The following GALNT17 variants were observed in gnomAD, a reference collection of about 807,000 sequenced individuals.
GALNT17 encodes UDP-GalNAc:polypeptide N-acetylgalactosaminyltransferase-like 3.
GALNT17 carries 29 observed loss-of-function variants against 63.7 expected under a neutral mutation model. The ratio of observed to expected loss-of-function variants is 0.46; its 90% CI spans 0.34 to 0.62. The LOEUF (loss-of-function observed/expected upper bound fraction) is 0.62, where lower values mean the gene tolerates loss of function less well. Among genes scored for constraint, GALNT17 ranks in the 20% least tolerant of loss-of-function variants. GALNT17 has a pLI of 0.01. For missense variants in GALNT17, 603 were observed against 799.6 expected (o/e 0.75, Z 2.97); for synonymous variants, 305 against 318.3 (o/e 0.96, Z 0.45).
intron 1 of GALNT17, among the ~76,000 whole-genome samples, chr7:71,249,207 C>G (rs1790153762): frequency 6.6e-6 from 1 of 152,168 alleles, no homozygotes; most frequent in Non-Finnish European, 1.5e-5. Context: ...TTCAGATTTC[C>G]TTTCTTACGT....
intron 2 of GALNT17, among the ~76,000 whole-genome samples, chr7:71,386,690 G>A (rs772101487): frequency 6.6e-6 from 1 of 152,078 alleles, no homozygotes; most frequent in Non-Finnish European, 1.5e-5. Flanking sequence ...CACTGCGCTC[G>A]GGCATATGAG....
At chr7:71,624,517 GA>G (rs1035130273) in intron 6 of GALNT17, among the ~76,000 whole-genome samples, 1 of 151,704 alleles carries the variant, frequency 6.6e-6, no homozygotes, top group Non-Finnish European at 1.5e-5. Flanking sequence ...AGAGAATGGA[GA>G]AAAATGATGG....
At chr7:71,141,406 C>T (rs766352252) in intron 1 of GALNT17, among the ~76,000 whole-genome samples, 15 of 151,666 alleles carry the variant, frequency 9.9e-5, no homozygotes, top group Non-Finnish European at 1.8e-4. Context: ...AAAAGACAGA[C>T]TGGGTTTGAT....
At position 71,413,668 on chromosome 7, in the gene GALNT17, C is replaced by T. The variant is rs567992453; in HGVS notation, c.590-2221C>T. ...CTTCCTATAATTTTTAAACGTATCT[C>T]ATCTCCTTAACTCGATTGTAAGCAT... On this transcript the variant is annotated intron_variant, in intron 3 of 10. Coordinates refer to ENST00000333538, the MANE Select transcript of GALNT17 (RefSeq NM_022479.3). Among the ~76,000 whole-genome samples, 3 of 152,160 alleles carry T rather than the reference C, an allele frequency of 2.0e-5. No homozygotes were observed. In the East Asian group the frequency reaches 5.8e-4, roughly 30 times the overall value.
chr7:71,191,402 A>G (rs1788949718), intron 1 of GALNT17, among the ~76,000 whole-genome samples: 1 of 152,116 alleles, frequency 6.6e-6, no homozygotes, highest in Non-Finnish European at 1.5e-5. Context: ...TTTTAAAAAA[A>G]GAAGCGGAAA....
chr7:71,493,245 C>T (rs549965613), intron 5 of GALNT17, among the ~76,000 whole-genome samples: 11 of 152,226 alleles, frequency 7.2e-5, no homozygotes, highest in South Asian at 2.1e-4. Flanking sequence ...GGCTCCTCTA[C>T]CCAGCGTGGT....
chr7:71,295,343 C>T (rs1791058262), intron 1 of GALNT17, among the ~76,000 whole-genome samples: 1 of 152,144 alleles, frequency 6.6e-6, no homozygotes, highest in Admixed American at 6.5e-5. Context: ...ACCTTGAGGA[C>T]CCTCAGCTTG....
At chr7:71,204,978 T>G (rs531409925) in intron 1 of GALNT17, among the ~76,000 whole-genome samples, 42 of 152,218 alleles carry the variant, frequency 2.8e-4, no homozygotes, top group Admixed American at 2.4e-3. Context: ...ACTCCTGACC[T>G]CAAGTAATCC....
intron 5 of GALNT17, among the ~76,000 whole-genome samples, chr7:71,459,116 G>A (rs182477470): frequency 2.0e-5 from 3 of 152,100 alleles, no homozygotes; most frequent in Admixed American, 6.6e-5. Context: ...AACACCTTTC[G>A]GCAAATTAAA....
chr7:71,371,112 G>C (rs1463740936), intron 2 of GALNT17, among the ~76,000 whole-genome samples: 1 of 152,172 alleles, frequency 6.6e-6, no homozygotes, highest in Non-Finnish European at 1.5e-5. Context: ...TGTGGCATCA[G>C]TGGGCAATTG....
Position 71,367,973 on chromosome 7 carries a change from G to A in GALNT17, c.423-20262G>A, listed in dbSNP as rs1015795507. On this transcript the variant is annotated intron_variant, in intron 2 of 10. Coordinates refer to ENST00000333538, the MANE Select transcript of GALNT17 (RefSeq NM_022479.3). Reference sequence around the variant, plus strand: ...GCACTGGACCCTAGGAGAGGACTTGGGCTCTCTGAGCCAGTTCTGACTGCC... The same window carrying A: ...GCACTGGACCCTAGGAGAGGACTTGAGCTCTCTGAGCCAGTTCTGACTGCC... Among the ~76,000 whole-genome samples the A allele has an allele frequency of 3.9e-5, 6 of 152,178 alleles. No homozygotes were observed. The South Asian group carries it at 6.2e-4, about 16-fold the overall frequency.
chr7:71,423,067 T>C (rs989229249), intron 5 of GALNT17, among the ~76,000 whole-genome samples: 1 of 152,198 alleles, frequency 6.6e-6, no homozygotes, highest in Non-Finnish European at 1.5e-5. Flanking sequence ...TCTGCTCCTC[T>C]CAACGTCCAG....
chr7:71,597,940 T>C (rs1243414020), intron 6 of GALNT17, among the ~76,000 whole-genome samples: 1 of 151,622 alleles, frequency 6.6e-6, no homozygotes, highest in African/African-American at 2.4e-5. Flanking sequence ...AACACGGTAC[T>C]TTCATTTCCT....
chr7:71,354,335 T>C (rs1792244221), intron 2 of GALNT17, among the ~76,000 whole-genome samples: 1 of 152,210 alleles, frequency 6.6e-6, no homozygotes, highest in African/African-American at 2.4e-5. Flanking sequence ...GTGTTTCTCA[T>C]TAAGTAAGAT....
intron 5 of GALNT17, among the ~76,000 whole-genome samples, chr7:71,434,282 C>A (rs1786919311): frequency 6.6e-6 from 1 of 152,132 alleles, no homozygotes. Flanking sequence ...CTTATGAGTC[C>A]TGTCCCTCTA....
In GALNT17 at chr7:71,386,527, C is replaced by T. The variant is rs1792947675; in HGVS notation, c.423-1708C>T. 2.0e-5 allele frequency among the ~76,000 whole-genome samples: 3 copies of T among 152,094 alleles called. No homozygotes were observed. In the South Asian group the frequency reaches 6.2e-4, roughly 32 times the overall value. ...GCATGAAATGAAATTCCTCAGTGCT[C>T]CCTGGACGGACTCTCGGTGCACCTG... On this transcript the variant is annotated intron_variant, in intron 2 of 10. Coordinates refer to ENST00000333538, the MANE Select transcript of GALNT17 (RefSeq NM_022479.3).
intron 1 of GALNT17, among the ~76,000 whole-genome samples, chr7:71,175,090 A>G (rs1788611686): frequency 1.3e-5 from 2 of 152,098 alleles, no homozygotes; most frequent in African/African-American, 2.4e-5. Flanking sequence ...CTATCTATCT[A>G]TCCATCAGTC....
chr7:71,546,413 T>C (rs900587354), intron 5 of GALNT17, among the ~76,000 whole-genome samples: 4 of 152,094 alleles, frequency 2.6e-5, no homozygotes, highest in Non-Finnish European at 5.9e-5. Flanking sequence ...CCTTCCACCT[T>C]GGCCTCCCAA....
intron 3 of GALNT17, among the ~76,000 whole-genome samples, chr7:71,392,137 AG>A (rs1440752041): frequency 6.6e-6 from 1 of 152,204 alleles, no homozygotes; most frequent in African/African-American, 2.4e-5. Flanking sequence ...ACCATATAGT[AG>A]GTATCTTCAT....
Sources: gnomAD v4.1 joint callset for allele counts (sites outside exome capture counted in the v4.1 genomes callset) on GRCh38, gnomAD v4.1.1 for gene constraint, MANE v1.5 for transcripts, NCBI Gene and HGNC (gene_info 2026-07-23, HGNC 2026-07-21) for gene names.